Variants in SMIM31 observed in about 807,000 individuals in gnomAD.
SMIM31 encodes human epithelial cell program regulator.
At chr4:164,768,007 G>A (rs1382978720) in intron 1 of SMIM31, among the ~76,000 whole-genome samples, 1 of 151,968 alleles carries the variant, frequency 6.6e-6, no homozygotes, top group Non-Finnish European at 1.5e-5. Context: ...GGCAAGGTGG[G>A]TGATTGCTTG....
chr4:164,803,511 A>C lies in SMIM31; in HGVS notation c.*2317A>C, dbSNP rs745921845. The C allele has an allele frequency of 6.6e-6, 1 of 152,178 alleles. No homozygotes were observed. The allele number at this position is 152,178 out of a possible 1,614,324, so 9.4% of individuals were successfully genotyped here. ...TAACATGTTTATGAAATAGCTGCAA[A>C]AGGCTGAGCGTGGTGGCTCACGTCT... On this transcript the variant is annotated 3_prime_UTR_variant, in exon 3 of 3. Transcript: ENST00000507311.
At chr4:164,762,475 G>C (rs983110449) in intron 1 of SMIM31, among the ~76,000 whole-genome samples, 1 of 151,968 alleles carries the variant, frequency 6.6e-6, no homozygotes, top group South Asian at 2.1e-4. Flanking sequence ...CCAGCACTTC[G>C]GGAAGCCGAG....
chr4:164,786,216 T>A (rs1487594439), intron 2 of SMIM31, among the ~76,000 whole-genome samples: 1 of 152,350 alleles, frequency 6.6e-6, no homozygotes, highest in South Asian at 2.1e-4. Flanking sequence ...GTTATACTAT[T>A]TGCTCAGTAA....
chr4:164,784,737 C>T (rs1579070557), intron 2 of SMIM31, among the ~76,000 whole-genome samples: 1 of 152,204 alleles, frequency 6.6e-6, no homozygotes, highest in Middle Eastern at 3.4e-3. Context: ...AGAATCATCT[C>T]AAGGAGTTGT....
rs1161254326 is a variant in SMIM31 at position 164,788,796 on chromosome 4, A to G, written c.113-12295A>G. Among the ~76,000 whole-genome samples the G allele has an allele frequency of 2.6e-5, 4 of 152,004 alleles. No individual in the cohort carries two copies. The East Asian group carries it at 5.8e-4, about 22-fold the overall frequency. On this transcript the variant is annotated intron_variant, in intron 2 of 2. Coordinates refer to ENST00000507311, the MANE Select transcript of SMIM31 (RefSeq NM_001352885.1). The stretch of plus-strand genomic sequence containing the variant: ...CCACCACGCCCGGCCCTTTTCTTCT[A>G]ATTTTTTAAGAGCACTTTTTGAGCT...
chr4:164,771,450 A>C (rs921432056), intron 2 of SMIM31, among the ~76,000 whole-genome samples: 8 of 152,140 alleles, frequency 5.3e-5, no homozygotes, highest in Non-Finnish European at 7.4e-5. Flanking sequence ...GCACTTAATA[A>C]AATCTTGGAA....
At chr4:164,788,015 C>T (rs1344528838) in intron 2 of SMIM31, among the ~76,000 whole-genome samples, 1 of 152,166 alleles carries the variant, frequency 6.6e-6, no homozygotes, top group Non-Finnish European at 1.5e-5. Flanking sequence ...CAGTACTTTT[C>T]AAAGATTCTC....
chr4:164,788,273 C>T (rs1733052390), intron 2 of SMIM31, among the ~76,000 whole-genome samples: 1 of 152,044 alleles, frequency 6.6e-6, no homozygotes, highest in Non-Finnish European at 1.5e-5. Context: ...TGATCAATAA[C>T]ACTATTTACA....
At chr4:164,774,119 T>C (rs1281756036) in intron 2 of SMIM31, among the ~76,000 whole-genome samples, 1 of 150,466 alleles carries the variant, frequency 6.6e-6, no homozygotes, top group Non-Finnish European at 1.5e-5. Flanking sequence ...TGAGCTGAGA[T>C]TGTGCCACTG....
intron 1 of SMIM31, among the ~76,000 whole-genome samples, chr4:164,755,584 G>GGGAGA (rs1560821476): frequency 9.3e-6 from 1 of 107,874 alleles, no homozygotes. Context: ...GGGAGGGGAG[G>GGGAGA]GAAATCTGTG....
At chr4:164,778,179 G>A (rs917811490) in intron 2 of SMIM31, among the ~76,000 whole-genome samples, 2 of 152,180 alleles carry the variant, frequency 1.3e-5, no homozygotes, top group Non-Finnish European at 1.5e-5. Flanking sequence ...CTTGAGCCCA[G>A]AAGTTTGAGA....
At chr4:164,765,570 C>T (rs1732708779) in intron 1 of SMIM31, among the ~76,000 whole-genome samples, 1 of 145,942 alleles carries the variant, frequency 6.9e-6, no homozygotes, top group Non-Finnish European at 1.5e-5. Flanking sequence ...GCATTCAATG[C>T]AGCAGGTGAG....
intron 2 of SMIM31, among the ~76,000 whole-genome samples, chr4:164,773,097 G>T (rs1274067201): frequency 2.0e-5 from 3 of 146,810 alleles, no homozygotes; most frequent in Admixed American, 6.8e-5. Flanking sequence ...GCTTAAATTG[G>T]CTAAAAAGAT....
intron 1 of SMIM31, among the ~76,000 whole-genome samples, chr4:164,758,375 T>C (rs546718247): frequency 2.0e-5 from 3 of 152,254 alleles, no homozygotes; most frequent in African/African-American, 7.2e-5. Flanking sequence ...TTTCTAACTT[T>C]ATTGCATTGG....
chr4:164,777,326 T>C (rs972728071), intron 2 of SMIM31, among the ~76,000 whole-genome samples: 7 of 152,244 alleles, frequency 4.6e-5, no homozygotes, highest in Non-Finnish European at 1.0e-4. Flanking sequence ...ATTTTTTGTG[T>C]TACCCAGACC....
chr4:164,782,947 T>C (rs1419626067), intron 2 of SMIM31, among the ~76,000 whole-genome samples: 1 of 152,060 alleles, frequency 6.6e-6, no homozygotes, highest in Admixed American at 6.5e-5. Flanking sequence ...AGGCCAGGTG[T>C]GGTGGCTCAC....
intron 2 of SMIM31, among the ~76,000 whole-genome samples, chr4:164,793,033 A>G (rs541171192): frequency 6.6e-6 from 1 of 152,324 alleles, no homozygotes; most frequent in East Asian, 1.9e-4. Context: ...CAGCCATAAA[A>G]AAAGAACAAA....
chr4:164,767,928 A>G (rs1197391381), intron 1 of SMIM31, among the ~76,000 whole-genome samples: 1 of 152,172 alleles, frequency 6.6e-6, no homozygotes, highest in Non-Finnish European at 1.5e-5. Context: ...CATCTAGGGT[A>G]GTGAGCTAGA....
intron 2 of SMIM31, among the ~76,000 whole-genome samples, chr4:164,794,574 A>G (rs1733162949): frequency 6.6e-6 from 1 of 152,194 alleles, no homozygotes; most frequent in African/African-American, 2.4e-5. Flanking sequence ...TGGGAGGCCA[A>G]GGCGGGTGGA....
Sources: allele counts gnomAD v4.1 joint callset (sites outside exome capture counted in the v4.1 genomes callset), GRCh38; gene constraint gnomAD v4.1.1; transcripts MANE v1.5; gene names NCBI Gene and HGNC (gene_info 2026-07-23, HGNC 2026-07-21).